ZCWPW2: variants seen among roughly 807,000 people sequenced by gnomAD.
ZCWPW2 encodes zinc finger CW-type and PWWP domain containing 2.
ZCWPW2 carries 45 observed loss-of-function variants against 46.6 expected under a neutral mutation model. That is an observed-to-expected ratio of 0.96 (90% CI 0.76 to 1.24). ZCWPW2 has a LOEUF of 1.24. ZCWPW2 is among the 50% of genes most tolerant of loss of function. ZCWPW2 has a pLI of 0.00. For missense variants in ZCWPW2, 429 were observed against 403.9 expected, an observed-to-expected ratio of 1.06 and a Z score of -0.53; for synonymous variants, 152 against 137.1, an observed-to-expected ratio of 1.11 and a Z score of -0.76.
At chr3:28,439,094 T>G (rs1294763343) in intron 4 of ZCWPW2, among the ~76,000 whole-genome samples, 1 of 145,152 alleles carries the variant, frequency 6.9e-6, no homozygotes, top group African/African-American at 2.6e-5. Context: ...TATACACATA[T>G]ATACACACAC....
At chr3:28,461,070 C>T (rs1698614365) in intron 4 of ZCWPW2, 1 of 216,078 alleles carries the variant, frequency 4.6e-6, no homozygotes, top group Non-Finnish European at 1.0e-5. Context: ...ATTTTTGAAG[C>T]TCTATAAAGA....
chr3:28,406,661 A>G (rs1447085291), intron 2 of ZCWPW2, among the ~76,000 whole-genome samples: 10 of 151,878 alleles, frequency 6.6e-5, no homozygotes, highest in Admixed American at 6.6e-4. Flanking sequence ...TTCCAGGATA[A>G]TAAGGTCGAT....
intron 1 of ZCWPW2, among the ~76,000 whole-genome samples, chr3:28,362,088 T>C (rs1054046159): frequency 6.6e-6 from 1 of 152,148 alleles, no homozygotes; most frequent in Non-Finnish European, 1.5e-5. Context: ...TTCATTGCAG[T>C]CGCTCACAGT....
intron 4 of ZCWPW2, among the ~76,000 whole-genome samples, chr3:28,439,165 C>CATAATAGGATGTGTATATA (rs1697628295): frequency 7.2e-6 from 1 of 139,496 alleles, no homozygotes; most frequent in African/African-American, 2.6e-5. Context: ...ATATATATAC[C>CATAATAGGATGTGTATATA]TACATATAAA....
intron 2 of ZCWPW2, among the ~76,000 whole-genome samples, chr3:28,393,273 C>G (rs1305894315): frequency 6.6e-6 from 1 of 151,966 alleles, no homozygotes; most frequent in Non-Finnish European, 1.5e-5. Context: ...CTGAAATAGG[C>G]TAATAATAAG....
intron 9 of ZCWPW2, among the ~76,000 whole-genome samples, chr3:28,522,180 G>T (rs1439428168): frequency 6.6e-6 from 1 of 152,116 alleles, no homozygotes; most frequent in African/African-American, 2.4e-5. Context: ...AAGTTAATGG[G>T]TGCAGCACAC....
At chr3:28,515,709 G>T in intron 8 of ZCWPW2, 88 bp downstream of exon 8, 1 of 1,131,182 alleles carries the variant, frequency 8.8e-7, no homozygotes, top group Non-Finnish European at 1.3e-6. Context: ...GAAAAAAAAA[G>T]ATTTCCTGTG....
At position 28,435,182 on chromosome 3, in the gene ZCWPW2, A is replaced by G. The variant is rs147397750; in HGVS notation, c.405A>G (p.Glu135=). ...CTTATGACCCGGATGGAAATGTTGA[A>G]GAGTATCACATAGAATTCCTGGGCG... The part of the protein sequence containing the change: ...YVTYDPDGNV[E]EYHIEFLGDP... The change falls in exon 4 of 10, where the codon GAA becomes GAG. Residue 135 remains glutamate (E), a synonymous_variant. Coordinates refer to ENST00000383768, the MANE Select transcript of ZCWPW2 (RefSeq NM_001040432.4). 11 of 1,613,704 alleles carry G rather than the reference A, an allele frequency of 6.8e-6. No homozygotes were observed. The highest frequency in any genetic ancestry group is 2.7e-5 in the African/African-American group (2 of 74,928).
chr3:28,356,669 C>T lies in ZCWPW2; in HGVS notation c.-134+7466C>T, dbSNP rs181368135. On this transcript the variant is annotated intron_variant, in intron 1 of 9. Coordinates refer to ENST00000383768, the MANE Select transcript of ZCWPW2 (RefSeq NM_001040432.4). Reference sequence around the variant, plus strand: ...TACATATACAACATGGAATACTATGCAGACATAAAAAATGATGAGTTCATG... The same window carrying T: ...TACATATACAACATGGAATACTATGTAGACATAAAAAATGATGAGTTCATG... 5.3e-4 allele frequency among the ~76,000 whole-genome samples: 80 copies of T among 152,270 alleles called. 1 individual carries two copies. In the East Asian group the frequency reaches 9.5e-3, roughly 18 times the overall value.
intron 1 of ZCWPW2, among the ~76,000 whole-genome samples, chr3:28,361,265 A>G (rs1399690836): frequency 1.3e-5 from 2 of 152,226 alleles, no homozygotes; most frequent in East Asian, 3.8e-4. Context: ...TGCCAGAACT[A>G]CATAATAGGT....
At chr3:28,383,902 T>C (rs1695184652) in intron 1 of ZCWPW2, among the ~76,000 whole-genome samples, 1 of 152,188 alleles carries the variant, frequency 6.6e-6, no homozygotes, top group Non-Finnish European at 1.5e-5. Context: ...AAAAATTGGA[T>C]GGTATGGGTA....
At chr3:28,463,832 C>A (rs1302005920) in intron 4 of ZCWPW2, among the ~76,000 whole-genome samples, 3 of 148,300 alleles carry the variant, frequency 2.0e-5, no homozygotes, top group Non-Finnish European at 4.4e-5. Context: ...CAGAGCAAGA[C>A]CCTCTGAAAG....
chr3:28,413,501 T>A, intron 3 of ZCWPW2, 101 bp downstream of exon 3: 2 of 1,052,158 alleles, frequency 1.9e-6, no homozygotes, highest in Non-Finnish European at 2.7e-6. Context: ...TTTGTCTACT[T>A]GTTTCTTGAT....
intron 2 of ZCWPW2, among the ~76,000 whole-genome samples, chr3:28,400,123 T>G (rs769120279): frequency 6.6e-6 from 1 of 152,062 alleles, no homozygotes; most frequent in Non-Finnish European, 1.5e-5. Flanking sequence ...GACACACTTA[T>G]AGAAATGCAA....
intron 1 of ZCWPW2, among the ~76,000 whole-genome samples, chr3:28,370,512 G>A (rs759396218): frequency 1.3e-5 from 2 of 152,142 alleles, no homozygotes; most frequent in African/African-American, 2.4e-5. Context: ...GAAGATCAAA[G>A]CAGACAAATA....
At chr3:28,429,615 T>G (rs931004365) in intron 3 of ZCWPW2, among the ~76,000 whole-genome samples, 3 of 151,872 alleles carry the variant, frequency 2.0e-5, no homozygotes, top group African/African-American at 7.3e-5. Context: ...ACCAAGACAA[T>G]GGGGAAAATG....
At chr3:28,370,010 G>A (rs1705266699) in intron 1 of ZCWPW2, among the ~76,000 whole-genome samples, 1 of 152,214 alleles carries the variant, frequency 6.6e-6, no homozygotes, top group Non-Finnish European at 1.5e-5. Context: ...TTGGAAAAGT[G>A]CAGCATTAGG....
At chr3:28,523,275 A>G (rs1034212570) in intron 9 of ZCWPW2, among the ~76,000 whole-genome samples, 1 of 152,194 alleles carries the variant, frequency 6.6e-6, no homozygotes, top group East Asian at 1.9e-4. Flanking sequence ...TCTGGCATTC[A>G]TGCCAGATTC....
At chr3:28,501,296 G>A (rs1409006094) in intron 6 of ZCWPW2, among the ~76,000 whole-genome samples, 3 of 152,142 alleles carry the variant, frequency 2.0e-5, no homozygotes, top group Admixed American at 2.0e-4. Flanking sequence ...GTGGCTTAAA[G>A]CAGAAGAGAC....
Sources: allele counts gnomAD v4.1 joint callset (sites outside exome capture counted in the v4.1 genomes callset), GRCh38; gene constraint gnomAD v4.1.1; transcripts MANE v1.5; gene names NCBI Gene and HGNC (gene_info 2026-07-23, HGNC 2026-07-21).